The following MTAP variants were observed in gnomAD, a reference collection of about 807,000 sequenced individuals.
MTAP encodes the protein methylthioadenosine phosphorylase.
A neutral mutation model predicts 33.6 loss-of-function variants in MTAP; 33 were observed. The ratio of observed to expected loss-of-function variants is 0.98; its 90% confidence interval spans 0.74 to 1.31. The LOEUF (loss-of-function observed/expected upper bound fraction) is 1.31. MTAP is among the 40% of genes most tolerant of loss of function. The pLI is 0.00. For synonymous variants in MTAP, 148 were observed against 125.7 expected (o/e 1.18, Z -1.19); for missense variants, 367 against 360.0 (o/e 1.02, Z -0.16).
intron 5 of MTAP, among the ~76,000 whole-genome samples, chr9:21,841,328 C>G (rs1426894922): frequency 1.3e-5 from 2 of 152,232 alleles, no homozygotes; most frequent in Non-Finnish European, 2.9e-5. Context: ...TCAACTGAGG[C>G]CATTACAGCA....
chr9:21,825,522 T>A (rs1824771848), intron 4 of MTAP, among the ~76,000 whole-genome samples: 1 of 152,178 alleles, frequency 6.6e-6, no homozygotes, highest in South Asian at 2.1e-4. Context: ...CATCAACACT[T>A]ACTTTGTTTT....
chr9:21,880,944 C>CT (rs1818002240), intron 1 of MTAP, among the ~76,000 whole-genome samples: 1 of 151,944 alleles, frequency 6.6e-6, no homozygotes. Flanking sequence ...AAGGACCCCC[C>CT]AGTAGCCAAA....
intron 1 of MTAP, among the ~76,000 whole-genome samples, chr9:21,873,014 T>A (rs1311067291): frequency 6.6e-6 from 1 of 152,172 alleles, no homozygotes; most frequent in Non-Finnish European, 1.5e-5. Context: ...ATTGGTTCCT[T>A]GATGTTACTA....
intron 1 of MTAP, chr9:21,812,165 G>A: frequency 5.1e-6 from 1 of 197,400 alleles, no homozygotes; most frequent in Non-Finnish European, 1.0e-5. Context: ...TGAAGTGCAG[G>A]TGGGGGAACA....
At position 21,880,639 on chromosome 9, in the gene MTAP, T is replaced by C. The variant is rs540065317; in HGVS notation, c.147+25769T>C. Reference sequence around the variant, plus strand: ...ACAATCCAAAATCAAATTATAAATATAATCCTATTATAAATATTATAAAAA... The same window carrying C: ...ACAATCCAAAATCAAATTATAAATACAATCCTATTATAAATATTATAAAAA... On this transcript the variant is annotated intron_variant, in intron 1 of 1. Coordinates refer to the MTAP transcript ENST00000577563. Among the ~76,000 whole-genome samples, 5 of 152,150 alleles carry C rather than the reference T, an allele frequency of 3.3e-5. No homozygotes were observed. In the South Asian group the frequency reaches 6.2e-4, roughly 19 times the overall value.
intron 5 of MTAP, 70 bp from the exon 6 acceptor site, chr9:21,854,561 T>G: frequency 6.8e-7 from 1 of 1,462,464 alleles, no homozygotes; most frequent in Non-Finnish European, 9.1e-7. Context: ...TGGTAAACAT[T>G]GGGGGGAAGT....
At chr9:21,896,510 A>G (rs1439614760) in intron 1 of MTAP, among the ~76,000 whole-genome samples, 1 of 152,180 alleles carries the variant, frequency 6.6e-6, no homozygotes, top group Non-Finnish European at 1.5e-5. Context: ...AAAGAAGAAA[A>G]GAGAGAAGAT....
chr9:21,931,410 G>A, downstream of MTAP: 1 of 451,378 alleles, frequency 2.2e-6, no homozygotes, highest in Admixed American at 3.9e-5. Context: ...TGATCATCAG[G>A]TGGTTGTTAA....
At chr9:21,825,580 G>A (rs925817931) in intron 4 of MTAP, among the ~76,000 whole-genome samples, 7 of 152,222 alleles carry the variant, frequency 4.6e-5, no homozygotes, top group African/African-American at 1.2e-4. Context: ...GTTCACGCCT[G>A]TAATCCTAGC....
At chr9:21,846,165 T>C (rs1405420633) in intron 5 of MTAP, among the ~76,000 whole-genome samples, 1 of 151,860 alleles carries the variant, frequency 6.6e-6, no homozygotes, top group East Asian at 1.9e-4. Context: ...TTCTAGAAAA[T>C]AACATCGGAA....
intron 1 of MTAP, among the ~76,000 whole-genome samples, chr9:21,807,078 C>A (rs1479489159): frequency 1.3e-5 from 2 of 152,200 alleles, no homozygotes; most frequent in African/African-American, 2.4e-5. Flanking sequence ...GTGGGCGAAT[C>A]TCTTGAGCCC....
At chr9:21,928,326 C>T (rs1009449492) in intron 1 of MTAP, among the ~76,000 whole-genome samples, 2 of 152,172 alleles carry the variant, frequency 1.3e-5, no homozygotes, top group African/African-American at 4.8e-5. Context: ...AAGCCTGCAC[C>T]TTGTGAACCA....
intron 5 of MTAP, among the ~76,000 whole-genome samples, chr9:21,845,363 G>A (rs1825353880): frequency 6.6e-6 from 1 of 151,952 alleles, no homozygotes; most frequent in Admixed American, 6.6e-5. Flanking sequence ...CAAATCAATA[G>A]CACTTTTATA....
intron 1 of MTAP, among the ~76,000 whole-genome samples, chr9:21,811,337 T>C (rs972193074): frequency 1.3e-5 from 2 of 152,230 alleles, no homozygotes; most frequent in African/African-American, 4.8e-5. Context: ...CTATGCACCC[T>C]TTCCACATTG....
In MTAP at chr9:21,865,341, C is replaced by A; in HGVS notation, c.*3327C>A. 1 of 740,878 alleles carries A rather than the reference C, an allele frequency of 1.3e-6. No homozygotes were observed. Among genetic ancestry groups the A allele is most frequent in the Non-Finnish European group, 1.6e-6 (1 of 606,812 alleles). 45.9% of individuals were successfully genotyped at this position (740,878 alleles called of 1,614,324 possible). A position where few individuals can be genotyped will look rare whatever the true frequency, so the allele number is the denominator to read the frequency against. On this transcript the variant is annotated 3_prime_UTR_variant, in exon 8 of 8. Coordinates refer to ENST00000644715, the MANE Select transcript of MTAP (RefSeq NM_002451.4). ...GCCACGATTGTAAGTTTCCTGAGGC[C>A]TTCCCAGCTATGTGGAACTGTGAGT...
At chr9:21,898,855 C>T (rs187982116) in intron 1 of MTAP, among the ~76,000 whole-genome samples, 4 of 152,228 alleles carry the variant, frequency 2.6e-5, no homozygotes, top group Admixed American at 2.0e-4. Context: ...ACTAGAAATA[C>T]CATCTGACCC....
intron 1 of MTAP, among the ~76,000 whole-genome samples, chr9:21,915,031 C>T (rs1220133321): frequency 0.015 from 1,551 of 100,230 alleles, 153 homozygotes; most frequent in African/African-American, 0.079. Context: ...TTCCTTCCTT[C>T]CTTCCTTCCT....
At position 21,854,676 on chromosome 9, in the gene MTAP, A is replaced by T. The variant is rs746172615; in HGVS notation, c.496A>T (p.Lys166Ter). Residue 166 changes from lysine (K) to a stop codon, truncating the protein, a stop_gained, in exon 6 of 8, where the codon AAG (lysine) becomes TAG (stop). Transcript: ENST00000644715. LOFTEE classifies it high-confidence loss of function. Reference sequence around the variant, plus strand: ...GAAGCTAGGACTCCGGTGCCACTCAAAGGGGACAATGGTCACAATCGAGGG... The same window carrying T: ...GAAGCTAGGACTCCGGTGCCACTCATAGGGGACAATGGTCACAATCGAGGG... ...AKKLGLRCHS[K>*]GTMVTIEGPR... is the part of the protein sequence containing the mutation. The T allele has an allele frequency of 1.2e-6, 2 of 1,611,348 alleles. No homozygotes were observed. The highest frequency in any genetic ancestry group is 2.7e-5 in the African/African-American group (2 of 74,818).
intron 5 of MTAP, among the ~76,000 whole-genome samples, chr9:21,838,301 G>A (rs143227558): frequency 6.6e-6 from 1 of 152,180 alleles, no homozygotes; most frequent in Non-Finnish European, 1.5e-5. Context: ...TTACTCAAGA[G>A]TATGCAGTCT....
Sources: allele counts gnomAD v4.1 joint callset (sites outside exome capture counted in the v4.1 genomes callset), GRCh38; gene constraint gnomAD v4.1.1; transcripts MANE v1.5; gene names NCBI Gene and HGNC (gene_info 2026-07-23, HGNC 2026-07-21).